Variants in DCBLD1 observed in about 807,000 individuals in gnomAD.
The protein encoded by DCBLD1 is discoidin, CUB and LCCL domain-containing protein 1.
A neutral mutation model predicts 71.5 loss-of-function variants in DCBLD1; 57 were observed. That is an observed-to-expected ratio of 0.80 (90% CI 0.64 to 0.99). The LOEUF (loss-of-function observed/expected upper bound fraction) is 0.99. DCBLD1 is among the 50% of genes least tolerant of loss of function. The pLI is 0.00. For missense variants in DCBLD1, 891 were observed against 923.5 expected, an observed-to-expected ratio of 0.96 and a Z score of 0.46; for synonymous variants, 380 against 363.8, an observed-to-expected ratio of 1.04 and a Z score of -0.51.
intron 14 of DCBLD1, chr6:117,562,945 C>T (rs1341316708): frequency 1.4e-5 from 4 of 290,964 alleles, no homozygotes; most frequent in Non-Finnish European, 2.6e-5. Context: ...GGAAAAGGAA[C>T]CAAGTAAAAC....
chr6:117,539,087 T>TG, intron 8 of DCBLD1, 168 bp from the exon 9 acceptor site: 1 of 717,420 alleles, frequency 1.4e-6, no homozygotes, highest in South Asian at 2.1e-5. Flanking sequence ...ATTGTCAGTG[T>TG]GAAAACATTA....
At chr6:117,560,394 A>G (rs1336303631) in intron 14 of DCBLD1, 2 of 185,792 alleles carry the variant, frequency 1.1e-5, no homozygotes, top group African/African-American at 4.7e-5. Flanking sequence ...ATAATACATT[A>G]TCATAAATGC....
intron 12 of DCBLD1, among the ~76,000 whole-genome samples, 181 bp downstream of exon 12, chr6:117,543,392 T>C (rs554548087): frequency 2.4e-4 from 36 of 152,350 alleles, no homozygotes; most frequent in Admixed American, 2.0e-3. Context: ...ATTACTTTAT[T>C]AATCTTTTTT....
chr6:117,563,407 A>C, intron 14 of DCBLD1: 1 of 1,611,246 alleles, frequency 6.2e-7, no homozygotes, highest in Non-Finnish European at 8.5e-7. Context: ...AGAAAAAAAA[A>C]GCAGACACTT....
At chr6:117,563,931 GT>G (rs1353464051) in intron 14 of DCBLD1, among the ~76,000 whole-genome samples, 1 of 149,982 alleles carries the variant, frequency 6.7e-6, no homozygotes, top group African/African-American at 2.4e-5. Flanking sequence ...TTGGGCTTAT[GT>G]AAAAATTGTA....
In DCBLD1 at chr6:117,498,344, A is replaced by G. The variant is rs534346142; in HGVS notation, c.113-5423A>G. Among the ~76,000 whole-genome samples, 3 of 152,172 alleles carry G rather than the reference A, an allele frequency of 2.0e-5. No individual in the cohort carries two copies. In the South Asian group the frequency reaches 6.2e-4, roughly 32 times the overall value. ...TATTCTACAGTTGAGAGGAGCTTTC[A>G]GTCTAGAAGAGGAGGAAATGATACT... On this transcript the variant is annotated intron_variant, in intron 1 of 14. Transcript: ENST00000338728.
intron 14 of DCBLD1, among the ~76,000 whole-genome samples, chr6:117,555,264 T>C: frequency 6.6e-6 from 1 of 152,246 alleles, no homozygotes; most frequent in East Asian, 1.9e-4. Context: ...TTCTCTTTTA[T>C]GGGTATTTCT....
intron 6 of DCBLD1, among the ~76,000 whole-genome samples, chr6:117,534,330 T>A (rs1778817454): frequency 6.6e-6 from 1 of 152,250 alleles, no homozygotes; most frequent in African/African-American, 2.4e-5. Context: ...TATTTTAAAG[T>A]TTACATCCTG....
intron 1 of DCBLD1, among the ~76,000 whole-genome samples, chr6:117,498,216 C>T (rs1026615503): frequency 7.9e-5 from 12 of 152,240 alleles, no homozygotes; most frequent in Admixed American, 3.3e-4. Flanking sequence ...TAGTTTTGTT[C>T]TTGTAAATTG....
intron 3 of DCBLD1, among the ~76,000 whole-genome samples, chr6:117,520,480 C>G (rs190833574): frequency 1.6e-4 from 25 of 152,306 alleles, no homozygotes; most frequent in Non-Finnish European, 8.8e-5. Context: ...AGCCCTCCCC[C>G]ATCCTCCTCC....
chr6:117,565,808 G>A (rs530194797), intron 14 of DCBLD1, among the ~76,000 whole-genome samples: 3 of 152,206 alleles, frequency 2.0e-5, no homozygotes, highest in South Asian at 2.1e-4. Context: ...CAAATAGTCC[G>A]AAAATCCATA....
At position 117,538,761 on chromosome 6, in the gene DCBLD1, C is replaced by T. The variant is rs780079868; in HGVS notation, c.902C>T (p.Ser301Leu). The T allele has an allele frequency of 9.9e-6, 16 of 1,613,936 alleles. No individual in the cohort carries two copies. The highest frequency in any genetic ancestry group is 6.7e-5 in the Admixed American group (4 of 60,002). The stretch of plus-strand genomic sequence containing the variant: ...CAGGACCAAGGCCCATCATGGGCTT[C>T]GGGCGACAGTAGCAACAACCACAAA... The part of the protein sequence containing the change: ...RLQDQGPSWA[S>L]GDSSNNHKPR... The change falls in exon 8 of 15, where the codon TCG becomes TTG. Residue 301 changes from serine (S) to leucine (L), a missense_variant. Coordinates refer to ENST00000338728, the MANE Select transcript of DCBLD1 (RefSeq NM_001366458.2).
intron 1 of DCBLD1, among the ~76,000 whole-genome samples, chr6:117,490,036 A>G (rs1031817422): frequency 6.6e-6 from 1 of 152,110 alleles, no homozygotes; most frequent in Non-Finnish European, 1.5e-5. Flanking sequence ...ATCATGGAAA[A>G]TGCTACACAT....
chr6:117,565,667 A>C (rs1445970525), intron 14 of DCBLD1, among the ~76,000 whole-genome samples: 1 of 152,206 alleles, frequency 6.6e-6, no homozygotes, highest in Non-Finnish European at 1.5e-5. Flanking sequence ...TGTCAAGCTC[A>C]TGGTGATCAA....
intron 1 of DCBLD1, among the ~76,000 whole-genome samples, chr6:117,499,227 C>T (rs925795394): frequency 1.5e-5 from 2 of 130,036 alleles, no homozygotes; most frequent in African/African-American, 6.7e-5. Flanking sequence ...CATAGTGTGG[C>T]CCCCATCTCT....
intron 2 of DCBLD1, among the ~76,000 whole-genome samples, chr6:117,504,191 C>G (rs917695378): frequency 6.6e-6 from 1 of 152,152 alleles, no homozygotes; most frequent in African/African-American, 2.4e-5. Flanking sequence ...GTGTGTGTGT[C>G]TCAGAACCTT....
chr6:117,503,175 A>G (rs898486865), intron 1 of DCBLD1, among the ~76,000 whole-genome samples: 1 of 77,898 alleles, frequency 1.3e-5, no homozygotes, highest in East Asian at 2.7e-4. Flanking sequence ...GATCCTTGAC[A>G]TTTTCTGATT....
chr6:117,567,022 C>T (rs771845786), intron 14 of DCBLD1: 1 of 1,583,920 alleles, frequency 6.3e-7, no homozygotes, highest in Non-Finnish European at 8.5e-7. Context: ...ACTTCAAATT[C>T]AATCTCTCCT....
intron 1 of DCBLD1, among the ~76,000 whole-genome samples, chr6:117,489,147 A>G (rs935102456): frequency 6.6e-6 from 1 of 152,222 alleles, no homozygotes; most frequent in African/African-American, 2.4e-5. Flanking sequence ...CTGTACAGGC[A>G]TAGCATAAGC....
Sources: gnomAD v4.1 joint callset for allele counts (sites outside exome capture counted in the v4.1 genomes callset) on GRCh38, gnomAD v4.1.1 for gene constraint, MANE v1.5 for transcripts, NCBI Gene and HGNC (gene_info 2026-07-23, HGNC 2026-07-21) for gene names.